SHANK2: variants seen among roughly 807,000 people sequenced by gnomAD.
SHANK2 encodes the protein SH3 and multiple ankyrin repeat domains protein 2.
Under a neutral mutation model 133.7 loss-of-function variants are expected in SHANK2, and 43 were observed. That is an observed-to-expected ratio of 0.32 (90% CI 0.25 to 0.41). The LOEUF is 0.41. Ranked by LOEUF, SHANK2 falls within the 10% of genes least tolerant of loss-of-function variation. SHANK2 has a pLI of 1.00. For missense variants in SHANK2, 1,994 were observed against 2,235.8 expected, an observed-to-expected ratio of 0.89 and a Z score of 2.18; for synonymous variants, 1,017 against 952.8, an observed-to-expected ratio of 1.07 and a Z score of -1.24.
intron 17 of SHANK2, among the ~76,000 whole-genome samples, chr11:70,636,871 T>C (rs931972380): frequency 6.6e-6 from 1 of 152,138 alleles, no homozygotes; most frequent in Non-Finnish European, 1.5e-5. Context: ...TGTGAACATG[T>C]GTGTGCACAT....
rs145698335 is a variant in SHANK2 at position 71,128,331 on chromosome 11, G to A, written c.208-9299C>T. Among the ~76,000 whole-genome samples, 98 of 152,306 alleles carry A rather than the reference G, an allele frequency of 6.4e-4. 1 individual carries two copies. The highest frequency in any genetic ancestry group is 2.1e-3 in the African/African-American group (86 of 41,574). ...TCCAGATCCTTCCGAAACCTGCTGC[G>A]TGCCTGGCCCAAGGGGCTCAAGACA... On this transcript the variant is annotated intron_variant, in intron 3 of 25. Coordinates refer to ENST00000601538, the MANE Select transcript of SHANK2 (RefSeq NM_012309.5).
At chr11:71,150,303 AGAGG>A (rs1555107808) in intron 2 of SHANK2, among the ~76,000 whole-genome samples, 2 of 56,040 alleles carry the variant, frequency 3.6e-5, no homozygotes, top group Non-Finnish European at 6.9e-5. Flanking sequence ...GGGAGAAGGA[AGAGG>A]GAGGGACAGG....
intron 11 of SHANK2, among the ~76,000 whole-genome samples, chr11:70,871,090 T>C (rs1289566362): frequency 1.3e-5 from 2 of 152,196 alleles, no homozygotes; most frequent in Admixed American, 6.5e-5. Context: ...ATTTCCTCTT[T>C]TTATAAGAAT....
chr11:71,202,344 C>T (rs539615350), intron 2 of SHANK2, among the ~76,000 whole-genome samples: 1 of 152,340 alleles, frequency 6.6e-6, no homozygotes, highest in South Asian at 2.1e-4. Flanking sequence ...GGGCACACAA[C>T]CAGCCACTCT....
chr11:70,740,239 A>C (rs1481503168), intron 14 of SHANK2, among the ~76,000 whole-genome samples: 1 of 152,230 alleles, frequency 6.6e-6, no homozygotes, highest in Non-Finnish European at 1.5e-5. Flanking sequence ...TGAAAGACTG[A>C]AAGGGCTTCT....
At chr11:70,629,473 T>C (rs576439009) in intron 17 of SHANK2, among the ~76,000 whole-genome samples, 3 of 152,270 alleles carry the variant, frequency 2.0e-5, no homozygotes, top group African/African-American at 4.8e-5. Flanking sequence ...TCCAGCAGGT[T>C]CCGGCCTGGC....
chr11:71,102,882 A>G (rs11823567), intron 6 of SHANK2, among the ~76,000 whole-genome samples: 50,478 of 152,176 alleles, frequency 0.33, 8,914 homozygotes, highest in African/African-American at 0.42. Context: ...AGGTGGCTTA[A>G]AAGTGACAGA....
intron 11 of SHANK2, among the ~76,000 whole-genome samples, chr11:70,829,438 C>A (rs893549674): frequency 6.6e-6 from 1 of 152,150 alleles, no homozygotes; most frequent in Admixed American, 6.5e-5. Flanking sequence ...AGGGAAGGAG[C>A]CTTCCCAAGA....
intron 2 of SHANK2, among the ~76,000 whole-genome samples, chr11:71,156,274 G>C (rs1555109091): frequency 6.6e-6 from 1 of 152,210 alleles, no homozygotes; most frequent in Non-Finnish European, 1.5e-5. Flanking sequence ...ACAGATGCAT[G>C]GAACAAACAG....
In SHANK2 at chr11:70,486,890, C is replaced by T. The variant is rs2058816194; in HGVS notation, c.3403G>A (p.Glu1135Lys). The stretch of plus-strand genomic sequence containing the variant: ...GATGACAGCTGCTCAGCGCTGTCCT[C>T]GTCAGCAAAATCCCCCTCCTCGGGG... The part of the protein sequence containing the change: ...MFPEEGDFAD[E>K]DSAEQLSSPM... The change falls in exon 25 of 26, where the codon GAG (glutamate) becomes AAG (lysine). Residue 1135 changes from glutamate (E) to lysine (K), a missense_variant. By Grantham distance (56) the Glu-to-Lys change is moderately conservative. Transcript: ENST00000601538. The surrounding 1 kb of genome is among the most constrained non-coding windows in gnomAD (Gnocchi z 8.0). 3 of 1,612,674 alleles carry T rather than the reference C, an allele frequency of 1.9e-6. No homozygotes were observed. Among genetic ancestry groups the T allele is most frequent in the Non-Finnish European group, 2.5e-6 (3 of 1,179,862 alleles).
At chr11:71,194,436 G>T (rs188097876) in intron 2 of SHANK2, among the ~76,000 whole-genome samples, 1 of 152,148 alleles carries the variant, frequency 6.6e-6, no homozygotes, top group Non-Finnish European at 1.5e-5. Flanking sequence ...AAACCCCAAC[G>T]CCACTCACCT....
At chr11:70,694,466 C>G (rs1945351550) in intron 15 of SHANK2, among the ~76,000 whole-genome samples, 1 of 152,238 alleles carries the variant, frequency 6.6e-6, no homozygotes, top group African/African-American at 2.4e-5. Context: ...GGCATTTTCT[C>G]TCATTACACT....
At chr11:71,251,580 G>A (rs1172063658) in intron 1 of SHANK2, among the ~76,000 whole-genome samples, 34 of 151,146 alleles carry the variant, frequency 2.2e-4, no homozygotes, top group African/African-American at 7.8e-4. Context: ...AGGGATGCCC[G>A]GGCGAAAGTT....
At chr11:70,888,402 G>C (rs938919770) in intron 11 of SHANK2, among the ~76,000 whole-genome samples, 1 of 152,132 alleles carries the variant, frequency 6.6e-6, no homozygotes, top group South Asian at 2.1e-4. Flanking sequence ...GAAAATGTTC[G>C]AGTCAGATAA....
At chr11:70,677,801 C>T (rs374456650) in intron 15 of SHANK2, among the ~76,000 whole-genome samples, 1 of 152,240 alleles carries the variant, frequency 6.6e-6, no homozygotes, top group Non-Finnish European at 1.5e-5. Flanking sequence ...ACCACCAAAG[C>T]CAGGGTCCTT....
chr11:70,644,401 G>C (rs2061232368), intron 17 of SHANK2, among the ~76,000 whole-genome samples: 1 of 152,146 alleles, frequency 6.6e-6, no homozygotes, highest in Admixed American at 6.5e-5. Flanking sequence ...ACTACTCTAG[G>C]AACCTCACTT....
intron 2 of SHANK2, among the ~76,000 whole-genome samples, chr11:71,207,427 G>A (rs920446935): frequency 6.6e-6 from 1 of 152,092 alleles, no homozygotes; most frequent in Non-Finnish European, 1.5e-5. Context: ...TGATCCGTGC[G>A]CCTTGGCTTC....
intron 2 of SHANK2, among the ~76,000 whole-genome samples, chr11:71,217,734 A>G (rs2135715505): frequency 6.6e-6 from 1 of 152,392 alleles, no homozygotes; most frequent in East Asian, 1.9e-4. Context: ...AAAATTAAAA[A>G]GTAAAAAAGT....
intron 3 of SHANK2, 140 bp from the exon 4 acceptor site, chr11:71,119,172 A>G: frequency 3.1e-6 from 2 of 654,852 alleles, no homozygotes; most frequent in Non-Finnish European, 5.2e-6. Context: ...ACGGCTTTTC[A>G]CAGTGAAAAA....
Sources: gnomAD v4.1 joint callset for allele counts (sites outside exome capture counted in the v4.1 genomes callset) on GRCh38, gnomAD v4.1.1 for gene constraint, Gnocchi (gnomAD v3.1) non-coding constraint, MANE v1.5 for transcripts, NCBI Gene and HGNC (gene_info 2026-07-23, HGNC 2026-07-21) for gene names.